Variants in ETV6 observed in about 807,000 individuals in gnomAD.
ETV6 encodes transcription factor ETV6.
In ETV6, 16 loss-of-function variants were observed where a neutral mutation model predicts 51.1. The observed-to-expected ratio is 0.31, with a 90% confidence interval of 0.21 to 0.48. ETV6 has a LOEUF of 0.48. Among genes scored for constraint, ETV6 ranks in the 20% least tolerant of loss-of-function variants. The probability of loss-of-function intolerance (pLI) is 0.99; values close to 1 mark genes in which losing one functional copy is unlikely to be tolerated. For missense variants in ETV6, 458 were observed against 594.8 expected (o/e 0.77, Z 2.39); for synonymous variants, 240 against 224.1 (o/e 1.07, Z -0.64).
chr12:11,858,067 G>A (rs907201967), intron 4 of ETV6, among the ~76,000 whole-genome samples: 4 of 152,184 alleles, frequency 2.6e-5, no homozygotes, highest in African/African-American at 9.7e-5. Flanking sequence ...TTCAGATAAT[G>A]TTGCCCCTCT....
intron 1 of ETV6, among the ~76,000 whole-genome samples, chr12:11,653,913 A>G (rs1863953570): frequency 6.6e-6 from 1 of 152,032 alleles, no homozygotes; most frequent in South Asian, 2.1e-4. Context: ...CCTAGGTTCA[A>G]GCAATTCTCC....
intron 2 of ETV6, among the ~76,000 whole-genome samples, chr12:11,777,289 A>G (rs934151469): frequency 4.0e-5 from 6 of 151,692 alleles, no homozygotes; most frequent in African/African-American, 7.3e-5. Flanking sequence ...CTCATATAAT[A>G]TAATTGAAAA....
chr12:11,853,711 T>A, intron 4 of ETV6, 150 bp downstream of exon 4: 1 of 892,884 alleles, frequency 1.1e-6, no homozygotes, highest in Non-Finnish European at 1.7e-6. Flanking sequence ...AAATACACTC[T>A]TGGTTCCCTG....
chr12:11,724,421 G>A (rs1010194911), intron 1 of ETV6, among the ~76,000 whole-genome samples: 1 of 152,194 alleles, frequency 6.6e-6, no homozygotes, highest in Non-Finnish European at 1.5e-5. Flanking sequence ...TATACTTAGG[G>A]GAGAATCTGT....
chr12:11,867,525 A>C (rs925271690), intron 4 of ETV6, among the ~76,000 whole-genome samples: 1 of 152,180 alleles, frequency 6.6e-6, no homozygotes, highest in East Asian at 1.9e-4. Flanking sequence ...TAATATTGTG[A>C]ACAATATTTT....
intron 2 of ETV6, among the ~76,000 whole-genome samples, chr12:11,764,203 G>A (rs552759216): frequency 6.6e-6 from 1 of 152,274 alleles, no homozygotes; most frequent in East Asian, 1.9e-4. Context: ...TTTTTGAAGT[G>A]GAAGGACCGT....
chr12:11,676,318 C>G (rs954356159), intron 1 of ETV6, among the ~76,000 whole-genome samples: 1 of 152,220 alleles, frequency 6.6e-6, no homozygotes, highest in Non-Finnish European at 1.5e-5. Context: ...CACTCTGCCT[C>G]TCCCTCCCCC....
chr12:11,714,649 G>GAGAAAAAAA (rs1555117923), intron 1 of ETV6, among the ~76,000 whole-genome samples: 1 of 87,090 alleles, frequency 1.1e-5, no homozygotes. Context: ...ACCTTGAGGT[G>GAGAAAAAAA]AAAAAAAAAA....
At chr12:11,875,055 A>C (rs1255127214) in intron 5 of ETV6, among the ~76,000 whole-genome samples, 2 of 152,204 alleles carry the variant, frequency 1.3e-5, no homozygotes, top group African/African-American at 2.4e-5. Flanking sequence ...TTAAAAAAAA[A>C]AGATACATGC....
intron 2 of ETV6, among the ~76,000 whole-genome samples, chr12:11,764,625 G>C (rs780791043): frequency 6.6e-6 from 1 of 152,146 alleles, no homozygotes; most frequent in African/African-American, 2.4e-5. Context: ...ATGTATAAAG[G>C]GCATGGTAAT....
rs1452352192 is a variant in ETV6 at position 11,891,185 on chromosome 12, G to A, written c.*139G>A. 1 of 651,780 alleles carries A rather than the reference G, an allele frequency of 1.5e-6. No homozygotes were observed. 40.4% of individuals were successfully genotyped at this position (651,780 alleles called of 1,614,324 possible). A position where few individuals can be genotyped will look rare whatever the true frequency, so the allele number is the denominator to read the frequency against. ...CAGAAATGGCAGGGACACTTCTCTT[G>A]CAGACCAAGAGGGACCCTGGAGCAC... On this transcript the variant is annotated 3_prime_UTR_variant, in exon 8 of 8. Transcript: ENST00000396373.
At chr12:11,705,003 TACAGAG>T (rs1331767752) in intron 1 of ETV6, among the ~76,000 whole-genome samples, 1 of 152,120 alleles carries the variant, frequency 6.6e-6, no homozygotes, top group Non-Finnish European at 1.5e-5. Context: ...AAAGCTCAAA[TACAGAG>T]ACAGAGAATG....
At chr12:11,756,750 G>A (rs1414554931) in intron 2 of ETV6, among the ~76,000 whole-genome samples, 1 of 152,176 alleles carries the variant, frequency 6.6e-6, no homozygotes, top group Non-Finnish European at 1.5e-5. Context: ...GGCAGTTACA[G>A]CACCTCACGA....
At chr12:11,761,679 A>T (rs1336989987) in intron 2 of ETV6, among the ~76,000 whole-genome samples, 2 of 152,220 alleles carry the variant, frequency 1.3e-5, no homozygotes, top group African/African-American at 4.8e-5. Context: ...AGGGCAGAGA[A>T]CATGCTCTTG....
chr12:11,794,828 G>A (rs1220974281), intron 2 of ETV6, among the ~76,000 whole-genome samples: 1 of 152,180 alleles, frequency 6.6e-6, no homozygotes, highest in Non-Finnish European at 1.5e-5. Flanking sequence ...TTGCCATTGA[G>A]GCATACATTT....
rs1865380826 is a variant in ETV6, at chr12:11,721,291, A to G, written c.34-31159A>G. Among the ~76,000 whole-genome samples the G allele has an allele frequency of 2.0e-5, 3 of 152,240 alleles. No homozygotes were observed. In the South Asian group the frequency reaches 6.2e-4, roughly 31 times the overall value. On this transcript the variant is annotated intron_variant, in intron 1 of 7. Coordinates refer to ENST00000396373, the MANE Select transcript of ETV6 (RefSeq NM_001987.5). ...TGTTTACTGCCACGCTATTCACAGT[A>G]TCAAAGACATGGAATCAACCTAGGT...
intron 1 of ETV6, among the ~76,000 whole-genome samples, chr12:11,741,327 T>G (rs1007743859): frequency 5.7e-4 from 87 of 152,282 alleles, no homozygotes; most frequent in African/African-American, 1.9e-3. Flanking sequence ...CTCCAATCTC[T>G]CCATTCTCCA....
chr12:11,811,462 T>C (rs1338247405), intron 2 of ETV6, among the ~76,000 whole-genome samples: 1 of 152,098 alleles, frequency 6.6e-6, no homozygotes, highest in Non-Finnish European at 1.5e-5. Context: ...TGCCTGGATT[T>C]CTACCATTAG....
intron 1 of ETV6, among the ~76,000 whole-genome samples, chr12:11,726,627 G>T (rs2120952502): frequency 6.6e-6 from 1 of 152,132 alleles, no homozygotes; most frequent in East Asian, 1.9e-4. Context: ...AAAACAATTA[G>T]CCAGCTGTGG....
Sources: allele counts gnomAD v4.1 joint callset (sites outside exome capture counted in the v4.1 genomes callset), GRCh38; gene constraint gnomAD v4.1.1; transcripts MANE v1.5; gene names NCBI Gene and HGNC (gene_info 2026-07-23, HGNC 2026-07-21).